Variants in GRIN2A observed in about 807,000 individuals in gnomAD.
The protein encoded by GRIN2A is glutamate ionotropic receptor NMDA type subunit 2A, also known as glutamate receptor ionotropic, NMDA 2A.
Under a neutral mutation model 113.4 loss-of-function variants are expected in GRIN2A, and 22 were observed. The ratio of observed to expected loss-of-function variants is 0.19; its 90% confidence interval spans 0.14 to 0.28. The LOEUF is 0.28. GRIN2A is among the 10% of genes least tolerant of loss of function. GRIN2A has a pLI of 1.00. For missense variants in GRIN2A, 1,502 were observed against 1,887.0 expected, an observed-to-expected ratio of 0.80 and a Z score of 3.78; for synonymous variants, 827 against 738.4, an observed-to-expected ratio of 1.12 and a Z score of -1.94.
At chr16:10,019,172 A>T (rs1011393822) in intron 2 of GRIN2A, among the ~76,000 whole-genome samples, 1 of 152,028 alleles carries the variant, frequency 6.6e-6, no homozygotes, top group African/African-American at 2.4e-5. Flanking sequence ...CACTGCTAAC[A>T]CTTCATTAGT....
chr16:10,095,150 G>A lies in GRIN2A; in HGVS notation c.414+84848C>T, dbSNP rs554333323. 3.6e-3 allele frequency among the ~76,000 whole-genome samples: 545 copies of A among 152,248 alleles called. 1 individual carries two copies. The highest frequency in any genetic ancestry group is 0.01 in the Middle Eastern group (3 of 294). ...AGGCCATATGAGCACACAGAGAGAA[G>A]ACAGCTGTCTGCAAACCAGTAAGAG... On this transcript the variant is annotated intron_variant, in intron 2 of 12. Transcript: ENST00000330684.
Position 9,760,971 on chromosome 16 carries a change from A to G in GRIN2A, c.*2178T>C. On this transcript the variant is annotated 3_prime_UTR_variant, in exon 13 of 13. Coordinates refer to ENST00000330684, the MANE Select transcript of GRIN2A (RefSeq NM_001134407.3). ...GTGACTATTCTGGGCCCTTCGATCC[A>G]GGCTTCTCCATGGCTGGGTCTTGGG... 1 of 232,398 alleles carries G rather than the reference A, an allele frequency of 4.3e-6. No individual in the cohort carries two copies. Among genetic ancestry groups the G allele is most frequent in the East Asian group, 6.0e-5 (1 of 16,534 alleles). The allele number at this position is 232,398 out of a possible 1,614,324, so 14.4% of individuals were successfully genotyped here. A position where few individuals can be genotyped will look rare whatever the true frequency, so the allele number is the denominator to read the frequency against.
intron 9 of GRIN2A, 57 bp from the exon 10 acceptor site, chr16:9,822,481 G>A: frequency 8.6e-7 from 1 of 1,160,064 alleles, no homozygotes; most frequent in East Asian, 2.4e-5. Context: ...GAAGGGAGGA[G>A]GGGGAGGAGA....
chr16:10,101,266 T>C (rs138320608), intron 2 of GRIN2A, among the ~76,000 whole-genome samples: 26 of 152,230 alleles, frequency 1.7e-4, no homozygotes, highest in African/African-American at 6.0e-4. Context: ...CAGGTACTTA[T>C]GCCCTCTCAA....
At chr16:9,986,784 A>G (rs1037661924) in intron 2 of GRIN2A, among the ~76,000 whole-genome samples, 2 of 145,404 alleles carry the variant, frequency 1.4e-5, no homozygotes, top group African/African-American at 5.2e-5. Flanking sequence ...AAAAAAAAAA[A>G]GAAGAAAATG....
intron 2 of GRIN2A, among the ~76,000 whole-genome samples, chr16:10,107,026 G>T (rs772882873): frequency 1.4e-4 from 22 of 152,168 alleles, no homozygotes; most frequent in Non-Finnish European, 2.9e-4. Context: ...ACCCAGCTCA[G>T]CTGGCTTTGA....
intron 3 of GRIN2A, among the ~76,000 whole-genome samples, chr16:9,933,971 C>A (rs13331246): frequency 0.012 from 1,903 of 152,332 alleles, 41 homozygotes; most frequent in African/African-American, 0.043. Context: ...AAAGTACGAA[C>A]ACATGTACAT....
At chr16:9,992,422 T>C (rs538490312) in intron 2 of GRIN2A, among the ~76,000 whole-genome samples, 1 of 152,328 alleles carries the variant, frequency 6.6e-6, no homozygotes, top group East Asian at 1.9e-4. Context: ...TCTCAGCCAG[T>C]TGTTCACAAA....
chr16:9,862,808 T>G (rs558189600), intron 4 of GRIN2A, among the ~76,000 whole-genome samples: 1 of 152,296 alleles, frequency 6.6e-6, no homozygotes, highest in East Asian at 1.9e-4. Context: ...AAGGAGCTCT[T>G]TCATAATCAT....
chr16:10,072,843 G>C (rs1479189202), intron 2 of GRIN2A, among the ~76,000 whole-genome samples: 2 of 151,910 alleles, frequency 1.3e-5, no homozygotes, highest in African/African-American at 4.8e-5. Flanking sequence ...AGAGAATAGA[G>C]AGTAGTCAAA....
intron 2 of GRIN2A, among the ~76,000 whole-genome samples, chr16:10,035,259 C>CA (rs2047003348): frequency 1.3e-5 from 2 of 152,108 alleles, no homozygotes; most frequent in African/African-American, 4.8e-5. Context: ...TGTCAAGACT[C>CA]AAGTGATCCT....
rs1016399451 is a variant in GRIN2A, at chr16:9,784,211, C to T, written c.2356+14066G>A. On this transcript the variant is annotated intron_variant, in intron 11 of 12. Coordinates refer to ENST00000330684, the MANE Select transcript of GRIN2A (RefSeq NM_001134407.3). ...TTGGGAAGCCGAGGTGGGTGGATCACCTGAGGTCAGGAGTTCAAGACCAGC... is the reference window on the plus strand; with the variant it reads ...TTGGGAAGCCGAGGTGGGTGGATCATCTGAGGTCAGGAGTTCAAGACCAGC... 8.5e-5 allele frequency among the ~76,000 whole-genome samples: 13 copies of T among 152,064 alleles called. No individual in the cohort carries two copies. The East Asian group carries it at 2.5e-3, about 29-fold the overall frequency.
rs1045627200 is a variant in GRIN2A at position 9,759,734 on chromosome 16, G to C, written c.*3415C>G. ...TTTGCAGAGGACATAACAGTAATGA[G>C]TGGTGAGATTGTGAGATTATAATCC... On this transcript the variant is annotated 3_prime_UTR_variant, in exon 13 of 13. Coordinates refer to ENST00000330684, the MANE Select transcript of GRIN2A (RefSeq NM_001134407.3). The C allele has an allele frequency of 3.5e-5, 8 of 228,634 alleles. No homozygotes were observed. Among genetic ancestry groups the C allele is most frequent in the African/African-American group, 1.6e-4 (7 of 45,054 alleles). 14.2% of individuals were successfully genotyped at this position (228,634 alleles called of 1,614,324 possible).
At chr16:10,071,238 T>C (rs979760262) in intron 2 of GRIN2A, among the ~76,000 whole-genome samples, 2 of 152,222 alleles carry the variant, frequency 1.3e-5, no homozygotes, top group African/African-American at 4.8e-5. Flanking sequence ...CAGACACATA[T>C]ACCTGGAAAT....
At chr16:10,035,308 G>A (rs907632427) in intron 2 of GRIN2A, among the ~76,000 whole-genome samples, 3 of 151,996 alleles carry the variant, frequency 2.0e-5, no homozygotes, top group Admixed American at 6.6e-5. Context: ...TTACAGATGT[G>A]AGCCACCACT....
chr16:10,030,403 G>A (rs957085844), intron 2 of GRIN2A, among the ~76,000 whole-genome samples: 3 of 152,116 alleles, frequency 2.0e-5, no homozygotes, highest in Admixed American at 6.5e-5. Flanking sequence ...GACACCAAAG[G>A]CGTGTGGCTG....
chr16:10,101,700 C>T (rs1279361151), intron 2 of GRIN2A, among the ~76,000 whole-genome samples: 7 of 152,354 alleles, frequency 4.6e-5, no homozygotes, highest in South Asian at 4.1e-4. Flanking sequence ...TGTCAGTCTA[C>T]TTTACCAATC....
intron 10 of GRIN2A, among the ~76,000 whole-genome samples, chr16:9,815,005 G>C (rs969823049): frequency 7.1e-6 from 1 of 140,096 alleles, no homozygotes; most frequent in Non-Finnish European, 1.5e-5. Flanking sequence ...CGGGCAACAA[G>C]AGCGAAACTC....
At chr16:10,165,316 CA>C (rs899436265) in intron 2 of GRIN2A, among the ~76,000 whole-genome samples, 3 of 151,678 alleles carry the variant, frequency 2.0e-5, no homozygotes, top group African/African-American at 7.3e-5. Flanking sequence ...TATAGGAAAA[CA>C]GACTAGAGGG....
Sources: gnomAD v4.1 joint callset for allele counts (sites outside exome capture counted in the v4.1 genomes callset) on GRCh38, gnomAD v4.1.1 for gene constraint, MANE v1.5 for transcripts, NCBI Gene and HGNC (gene_info 2026-07-23, HGNC 2026-07-21) for gene names.